Variants in DIAPH2 observed in about 807,000 individuals in gnomAD.
DIAPH2 encodes diaphanous related formin 2, also known as protein diaphanous homolog 2.
Under a neutral mutation model 92.7 loss-of-function variants are expected in DIAPH2, and 35 were observed. The ratio of observed to expected loss-of-function variants is 0.38; its 90% CI spans 0.29 to 0.50. The LOEUF (loss-of-function observed/expected upper bound fraction) is 0.50. DIAPH2 is among the 20% of genes least tolerant of loss of function. The pLI, the probability that DIAPH2 is intolerant of heterozygous loss-of-function variation, is 0.94. For synonymous variants in DIAPH2, 301 were observed against 280.4 expected, an observed-to-expected ratio of 1.07 and a Z score of -0.73; for missense variants, 701 against 819.5, an observed-to-expected ratio of 0.86 and a Z score of 1.77.
intron 4 of DIAPH2, among the ~76,000 whole-genome samples, chrX:96,800,135 C>G (rs754446924): frequency 8.9e-6 from 1 of 111,819 alleles, no homozygotes; most frequent in Non-Finnish European, 1.9e-5. Context: ...AAATCCCTTG[C>G]TATGCTCTTT....
At chrX:96,714,031 T>C (rs2063934688) in intron 1 of DIAPH2, among the ~76,000 whole-genome samples, 1 of 111,369 alleles carries the variant, frequency 9.0e-6, no homozygotes, top group Non-Finnish European at 1.9e-5. Flanking sequence ...TAAGAGTATG[T>C]TTAGTTTTCT....
At chrX:97,002,860 C>A (rs1361341888) in intron 17 of DIAPH2, among the ~76,000 whole-genome samples, 1 of 109,894 alleles carries the variant, frequency 9.1e-6, no homozygotes, top group Non-Finnish European at 1.9e-5. Context: ...CTATACTCAC[C>A]CTCTTGTGCT....
chrX:96,872,312 A>G (rs910588053), intron 4 of DIAPH2, among the ~76,000 whole-genome samples: 3 of 110,400 alleles, frequency 2.7e-5, no homozygotes, highest in Non-Finnish European at 5.7e-5. Flanking sequence ...CCATGAGTTC[A>G]ATTGTTTTAA....
At chrX:97,475,424 G>C (rs184495459) in intron 26 of DIAPH2, among the ~76,000 whole-genome samples, 154 of 112,040 alleles carry the variant, frequency 1.4e-3, no homozygotes, top group Non-Finnish European at 2.6e-3. Context: ...CACTGAATAT[G>C]TAAAGTATGT....
chrX:97,070,153 C>T (rs1008362490), intron 17 of DIAPH2, among the ~76,000 whole-genome samples: 1 of 111,064 alleles, frequency 9.0e-6, no homozygotes, highest in Non-Finnish European at 1.9e-5. Flanking sequence ...CCAATTTACA[C>T]ACTCAAATTA....
Position 97,191,082 on chromosome X carries a change from A to G in DIAPH2, c.2719+49288A>G, listed in dbSNP as rs190864194. On this transcript the variant is annotated intron_variant, in intron 22 of 26. Transcript: ENST00000324765. ...AGTGGTTCACGCCTGTAATCCCAGC[A>G]CTTTGAGAGGCCCAGGCAGGCGGAT... 6.2e-4 allele frequency among the ~76,000 whole-genome samples: 69 copies of G among 110,671 alleles called. 1 individual carries two copies. The East Asian group carries it at 0.018, about 29-fold the overall frequency.
chrX:97,521,721 A>G (rs891874342), intron 26 of DIAPH2, among the ~76,000 whole-genome samples: 14 of 111,519 alleles, frequency 1.3e-4, no homozygotes, highest in African/African-American at 3.9e-4. Flanking sequence ...CTTAGCCACA[A>G]TTGTAAGTCT....
rs1300744271 is a variant in DIAPH2, at chrX:97,546,966, C to A, written c.3242-52287C>A. ...GCACTTATTTTCAAATACCAGGCAG[C>A]AGTTTGCTTGAAGTTAACTATCTGT... On this transcript the variant is annotated intron_variant, in intron 26 of 26. Coordinates refer to ENST00000324765, the MANE Select transcript of DIAPH2 (RefSeq NM_006729.5). Among the ~76,000 whole-genome samples, 2 of 112,143 alleles carry A rather than the reference C, an allele frequency of 1.8e-5. 1 individual carries two copies. Among genetic ancestry groups the A allele is most frequent in the Admixed American group, 1.9e-4 (2 of 10,611 alleles).
intron 26 of DIAPH2, among the ~76,000 whole-genome samples, chrX:97,579,465 A>T (rs1940889027): frequency 9.0e-6 from 1 of 111,268 alleles, no homozygotes; most frequent in African/African-American, 3.3e-5. Context: ...TTTGTCAAAG[A>T]TCAGATAGTT....
At chrX:97,093,706 A>G (rs1435224074) in intron 19 of DIAPH2, among the ~76,000 whole-genome samples, 1 of 112,199 alleles carries the variant, frequency 8.9e-6, no homozygotes, top group African/African-American at 3.2e-5. Flanking sequence ...TAAATCATAA[A>G]TTATGTAGAA....
chrX:97,235,474 C>A (rs1292546851), intron 22 of DIAPH2, among the ~76,000 whole-genome samples: 1 of 109,409 alleles, frequency 9.1e-6, no homozygotes, highest in Admixed American at 9.8e-5. Flanking sequence ...CGTGGTGGCA[C>A]ATGCCTGTAA....
At position 97,469,904 on chromosome X, in the gene DIAPH2, C is replaced by T. The variant is rs2070548066; in HGVS notation, c.3241+40159C>T. On this transcript the variant is annotated intron_variant, in intron 26 of 26. Coordinates refer to ENST00000324765, the MANE Select transcript of DIAPH2 (RefSeq NM_006729.5). ...TCTGATAAAATTTATGCTATATGCC[C>T]CTTAATACCGATTTCATGATGGTTA... The T allele has an allele frequency of 1.3e-5, 11 of 867,096 alleles. 1 individual carries two copies. The South Asian group carries it at 4.1e-4, about 33-fold the overall frequency. The allele number at this position is 867,096 out of a possible 1,213,427, so 71.5% of individuals were successfully genotyped here.
At chrX:97,144,746 A>G (rs2067232092) in intron 22 of DIAPH2, among the ~76,000 whole-genome samples, 1 of 49,058 alleles carries the variant, frequency 2.0e-5, no homozygotes, top group Non-Finnish European at 4.8e-5. Flanking sequence ...TAGACACTAT[A>G]AATTTCTTTC....
chrX:97,126,920 C>G (rs1307767309), intron 21 of DIAPH2, among the ~76,000 whole-genome samples: 1 of 112,430 alleles, frequency 8.9e-6, no homozygotes, highest in Non-Finnish European at 1.9e-5. Flanking sequence ...ATTTTCTTAT[C>G]TTTTAGTCTT....
intron 1 of DIAPH2, among the ~76,000 whole-genome samples, chrX:96,719,300 G>C (rs1396683523): frequency 8.9e-6 from 1 of 111,852 alleles, no homozygotes; most frequent in Non-Finnish European, 1.9e-5. Context: ...GTGATCTTAT[G>C]TGTCCATTTT....
At chrX:97,139,607 G>C (rs2067196533) in intron 21 of DIAPH2, among the ~76,000 whole-genome samples, 4 of 110,534 alleles carry the variant, frequency 3.6e-5, no homozygotes, top group Non-Finnish European at 1.9e-5. Flanking sequence ...TGCATAGTCT[G>C]TCTAAAAGTC....
At chrX:97,477,022 CACAT>C (rs1406231984) in intron 26 of DIAPH2, among the ~76,000 whole-genome samples, 7 of 96,385 alleles carry the variant, frequency 7.3e-5, no homozygotes, top group African/African-American at 1.2e-4. Context: ...CACACACACA[CACAT>C]ACACACACAC....
At chrX:97,556,164 G>A (rs5921850) in intron 26 of DIAPH2, among the ~76,000 whole-genome samples, 50,086 of 110,083 alleles carry the variant, frequency 0.45, 8,229 homozygotes, top group Non-Finnish European at 0.51. Context: ...CCCTGCAGCC[G>A]GAATCATCAT....
chrX:97,131,127 A>T (rs191328044), intron 21 of DIAPH2, among the ~76,000 whole-genome samples: 19 of 110,546 alleles, frequency 1.7e-4, no homozygotes, highest in East Asian at 1.1e-3. Flanking sequence ...AATAAATAAA[A>T]AAGTGTTCAC....
Sources: allele counts gnomAD v4.1 joint callset (sites outside exome capture counted in the v4.1 genomes callset), GRCh38; gene constraint gnomAD v4.1.1; transcripts MANE v1.5; gene names NCBI Gene and HGNC (gene_info 2026-07-23, HGNC 2026-07-21).